UNC13C: variants seen among roughly 807,000 people sequenced by gnomAD.
UNC13C encodes the protein unc-13 homolog C.
UNC13C carries 174 observed loss-of-function variants against 245.4 expected under a neutral mutation model. The ratio of observed to expected loss-of-function variants is 0.71; its 90% CI spans 0.63 to 0.80. UNC13C has a LOEUF of 0.80. Ranked by LOEUF, UNC13C falls within the 30% of genes least tolerant of loss-of-function variation. The probability of loss-of-function intolerance (pLI) is 0.00; values close to 1 mark genes in which losing one functional copy is unlikely to be tolerated. For missense variants in UNC13C, 2,829 were observed against 2,602.9 expected, an observed-to-expected ratio of 1.09 and a Z score of -1.89; for synonymous variants, 992 against 895.1, an observed-to-expected ratio of 1.11 and a Z score of -1.93.
chr15:54,361,670 T>C (rs1031404926), intron 17 of UNC13C, among the ~76,000 whole-genome samples: 1 of 152,186 alleles, frequency 6.6e-6, no homozygotes, highest in Non-Finnish European at 1.5e-5. Flanking sequence ...AAGTTAATCC[T>C]TTGCTTCCGA....
intron 2 of UNC13C, among the ~76,000 whole-genome samples, chr15:54,033,029 T>C (rs1357467928): frequency 6.6e-6 from 1 of 152,004 alleles, no homozygotes; most frequent in Non-Finnish European, 1.5e-5. Flanking sequence ...ACAAATTGAG[T>C]TCAGTGTATG....
chr15:53,855,645 G>T, the UNC13C span, among the ~76,000 whole-genome samples: 2 of 151,748 alleles, frequency 1.3e-5, no homozygotes, highest in Non-Finnish European at 3.0e-5. Context: ...AGGAATGAAT[G>T]ATCGTGGTGC....
the UNC13C span, among the ~76,000 whole-genome samples, chr15:53,888,121 A>G: frequency 1.1e-4 from 17 of 152,332 alleles, no homozygotes; most frequent in Non-Finnish European, 1.0e-4. Flanking sequence ...TCCTTGAGGA[A>G]TCACTGCACT....
chr15:54,108,090 T>C (rs929822313), intron 2 of UNC13C, among the ~76,000 whole-genome samples: 9 of 152,210 alleles, frequency 5.9e-5, no homozygotes, highest in Admixed American at 5.9e-4. Context: ...TTTTATTCTG[T>C]TTCGCAGGAA....
At chr15:54,455,193 CTCTCTCTCTCTCTATATATA>C (rs1395745185) in intron 19 of UNC13C, among the ~76,000 whole-genome samples, 37 of 47,308 alleles carry the variant, frequency 7.8e-4, no homozygotes, top group African/African-American at 2.5e-3. Flanking sequence ...CTCTCTCTCT[CTCTCTCTCTCTCTATATATA>C]TATATATATA....
chr15:54,095,310 C>G (rs1453756048), intron 2 of UNC13C, among the ~76,000 whole-genome samples: 3 of 152,128 alleles, frequency 2.0e-5, no homozygotes, highest in Non-Finnish European at 4.4e-5. Flanking sequence ...TCTCCTATTT[C>G]CCATAGATCG....
Position 54,598,958 on chromosome 15 carries a change from G to T in UNC13C, c.6107-23369G>T, listed in dbSNP as rs369805856. Among the ~76,000 whole-genome samples the T allele has an allele frequency of 3.3e-5, 5 of 152,182 alleles. No homozygotes were observed. In the East Asian group the frequency reaches 7.7e-4, roughly 24 times the overall value. On this transcript the variant is annotated intron_variant, in intron 30 of 32. Transcript: ENST00000260323. ...ATCTGATGCTCAACAAATATTAAATGAAAAATCAATTGTGCTATGGTAAAA... is the reference window on the plus strand; with the variant it reads ...ATCTGATGCTCAACAAATATTAAATTAAAAATCAATTGTGCTATGGTAAAA...
chr15:54,386,007 G>A (rs1217203648), intron 17 of UNC13C, among the ~76,000 whole-genome samples: 2 of 152,122 alleles, frequency 1.3e-5, no homozygotes, highest in South Asian at 2.1e-4. Context: ...TTTAACAAAG[G>A]TATCAATCAT....
At chr15:54,478,012 T>C (rs903818471) in intron 19 of UNC13C, among the ~76,000 whole-genome samples, 24 of 150,392 alleles carry the variant, frequency 1.6e-4, no homozygotes, top group African/African-American at 4.9e-4. Flanking sequence ...ATTCAGAGAT[T>C]CATCTTATTC....
chr15:54,400,755 TA>T (rs1409948115), intron 18 of UNC13C, among the ~76,000 whole-genome samples: 1 of 152,204 alleles, frequency 6.6e-6, no homozygotes, highest in African/African-American at 2.4e-5. Context: ...TGGGTTTTTA[TA>T]TTTTTTTATT....
At position 54,028,525 on chromosome 15, in the gene UNC13C, C is replaced by G. The variant is rs556344604; in HGVS notation, c.2983+12639C>G. Reference sequence around the variant, plus strand: ...GGGCAAAATGACAGCGAGCCCATAGCGCTGAAAATTGCTGTTTTCCTGCTG... The same window carrying G: ...GGGCAAAATGACAGCGAGCCCATAGGGCTGAAAATTGCTGTTTTCCTGCTG... On this transcript the variant is annotated intron_variant, in intron 2 of 32. Coordinates refer to ENST00000260323, the MANE Select transcript of UNC13C (RefSeq NM_001080534.3). Among the ~76,000 whole-genome samples, 3 of 152,066 alleles carry G rather than the reference C, an allele frequency of 2.0e-5. No homozygotes were observed. The East Asian group carries it at 5.8e-4, about 29-fold the overall frequency.
rs1348037613 is a variant in UNC13C at position 54,511,769 on chromosome 15, A to G, written c.5396A>G (p.Asn1799Ser). ...DKENVPCILM[N>S]NIQQLRVQLE... is the part of the protein sequence containing the mutation. ...TATTTAAAGCCCTGTATCTTGATGA[A>G]CAATATTCAACAATTGCGGGTCCAG... The change falls in exon 24 of 33, where the codon AAC (asparagine) becomes AGC (serine). Residue 1799 changes from asparagine to serine, a missense_variant. Physicochemically the swap from Asn to Ser is conservative, Grantham distance 46. Coordinates refer to ENST00000260323, the MANE Select transcript of UNC13C (RefSeq NM_001080534.3). The G allele has an allele frequency of 6.2e-7, 1 of 1,608,374 alleles. No homozygotes were observed. The highest frequency in any genetic ancestry group is 1.3e-5 in the African/African-American group (1 of 74,744).
intron 2 of UNC13C, chr15:54,048,888 C>T (rs546110268): frequency 7.1e-5 from 18 of 253,644 alleles, no homozygotes; most frequent in Non-Finnish European, 1.2e-4. Flanking sequence ...CAAAGTGTCA[C>T]TGTCCACATA....
In UNC13C at chr15:54,047,278, A is replaced by G. The variant is rs985331173; in HGVS notation, c.2983+31392A>G. Among the ~76,000 whole-genome samples, 77 of 152,020 alleles carry G rather than the reference A, an allele frequency of 5.1e-4. 1 individual carries two copies. The highest frequency in any genetic ancestry group is 2.4e-5 in the African/African-American group (1 of 41,410). On this transcript the variant is annotated intron_variant, in intron 2 of 32. Coordinates refer to ENST00000260323, the MANE Select transcript of UNC13C (RefSeq NM_001080534.3). ...TAAAATATACATAACAAAATTTACC[A>G]TTTTAACCACGTTTATGGGTACAAT...
chr15:54,282,851 A>G (rs1382654792), intron 10 of UNC13C, among the ~76,000 whole-genome samples: 1 of 152,154 alleles, frequency 6.6e-6, no homozygotes, highest in Non-Finnish European at 1.5e-5. Context: ...AGTTCAGGTC[A>G]TCTTTGCTGG....
chr15:54,114,271 G>A (rs990250376), intron 2 of UNC13C, among the ~76,000 whole-genome samples: 1 of 152,130 alleles, frequency 6.6e-6, no homozygotes, highest in African/African-American at 2.4e-5. Context: ...AAAGAATAAA[G>A]CACTAAGGAT....
Position 54,291,387 on chromosome 15 carries a change from T to A in UNC13C, c.3819-2508T>A, listed in dbSNP as rs182290838. ...AATAGCTCAAACTTAGATATTTTTATGAATATATTTCTAAGAATGACAAAA... is the reference window on the plus strand; with the variant it reads ...AATAGCTCAAACTTAGATATTTTTAAGAATATATTTCTAAGAATGACAAAA... On this transcript the variant is annotated intron_variant, in intron 10 of 32. Transcript: ENST00000260323. Among the ~76,000 whole-genome samples, 12 of 152,178 alleles carry A rather than the reference T, an allele frequency of 7.9e-5. No individual in the cohort carries two copies. In the East Asian group the frequency reaches 2.3e-3, roughly 29 times the overall value.
intron 18 of UNC13C, among the ~76,000 whole-genome samples, chr15:54,413,703 G>C (rs1284676375): frequency 6.6e-6 from 1 of 152,102 alleles, no homozygotes; most frequent in Admixed American, 6.5e-5. Context: ...TAATTTTGAT[G>C]AAAATATGGA....
intron 19 of UNC13C, among the ~76,000 whole-genome samples, chr15:54,431,739 A>AT (rs1200896153): frequency 6.6e-6 from 1 of 151,684 alleles, no homozygotes; most frequent in Non-Finnish European, 1.5e-5. Flanking sequence ...AGCTCAGAGA[A>AT]TTAGACCATA....
Sources: gnomAD v4.1 joint callset for allele counts (sites outside exome capture counted in the v4.1 genomes callset) on GRCh38, gnomAD v4.1.1 for gene constraint, MANE v1.5 for transcripts, NCBI Gene and HGNC (gene_info 2026-07-23, HGNC 2026-07-21) for gene names.